SERINC2: variants seen among roughly 807,000 people sequenced by gnomAD.
The protein encoded by SERINC2 is tumor differentially expressed protein 2.
A neutral mutation model predicts 54.2 loss-of-function variants in SERINC2; 56 were observed. That is an observed-to-expected ratio of 1.03 (90% CI 0.83 to 1.29). The LOEUF (loss-of-function observed/expected upper bound fraction) is 1.29, where lower values mean the gene tolerates loss of function less well. SERINC2 is among the 50% of genes most tolerant of loss of function. SERINC2 has a pLI of 0.00. For synonymous variants in SERINC2, 272 were observed against 253.1 expected (o/e 1.07, Z -0.71); for missense variants, 614 against 607.4 (o/e 1.01, Z -0.12).
intron 8 of SERINC2, among the ~76,000 whole-genome samples, chr1:31,432,131 GGGTGGACAGGGTGGAC>G (rs1641294881): frequency 1.5e-5 from 2 of 131,168 alleles, no homozygotes; most frequent in Non-Finnish European, 1.6e-5. Context: ...AGGGTGGATA[GGGTGGACAGGGTGGAC>G]AGGGTGGACA....
At position 31,426,673 on chromosome 1, in the gene SERINC2, C is replaced by T. The variant is rs1641050443; in HGVS notation, c.630C>T (p.Leu210=). The T allele has an allele frequency of 1.2e-6, 2 of 1,612,228 alleles. No homozygotes were observed. Among genetic ancestry groups the T allele is most frequent in the Non-Finnish European group, 1.7e-6 (2 of 1,178,602 alleles). Residue 210 remains leucine, a synonymous_variant, in exon 6 of 10, where the codon CTC becomes CTT. Coordinates refer to ENST00000373709, the MANE Select transcript of SERINC2 (RefSeq NM_178865.5). Reference sequence around the variant, plus strand: ...GCCCAGGCCTCTTCTTCTTCACTCTCCTCTTCTACTTGCTGTCGATCGCGG... The same window carrying T: ...GCCCAGGCCTCTTCTTCTTCACTCTTCTCTTCTACTTGCTGTCGATCGCGG... ...AWYAGLFFFT[L]LFYLLSIAAV...
chr1:31,424,453 G>T (rs1270781420), intron 2 of SERINC2, among the ~76,000 whole-genome samples: 1 of 152,186 alleles, frequency 6.6e-6, no homozygotes, highest in Non-Finnish European at 1.5e-5. Context: ...ACAATAACAA[G>T]ATGTAACTGG....
chr1:31,413,052 C>T (rs1553131663), upstream of SERINC2: 3 of 738,772 alleles, frequency 4.1e-6, no homozygotes, highest in African/African-American at 5.7e-5. This position sits in a 1 kb window ranked among gnomAD's most constrained non-coding sequence, Gnocchi z 5.0. Flanking sequence ...GCGGGAATCC[C>T]CGACCGGCCC....
intron 9 of SERINC2, 66 bp from the exon 10 acceptor site, chr1:31,433,998 G>C: frequency 6.4e-7 from 1 of 1,559,874 alleles, no homozygotes. Context: ...GGGACATAAG[G>C]CCAGGGGCCA....
At chr1:31,431,875 GAC>G (rs2148528491) in intron 8 of SERINC2, among the ~76,000 whole-genome samples, 1 of 147,966 alleles carries the variant, frequency 6.8e-6, no homozygotes, top group Admixed American at 6.7e-5. Context: ...GGATAGGGTG[GAC>G]AGGGTGGACA....
chr1:31,413,106 G>C (rs1640682992), upstream of SERINC2: 1 of 999,114 alleles, frequency 1.0e-6, no homozygotes, highest in South Asian at 4.6e-5. This position sits in a 1 kb window ranked among gnomAD's most constrained non-coding sequence, Gnocchi z 5.0. Flanking sequence ...AGGTGAGTCT[G>C]GGGAGGCCCC....
chr1:31,422,159 C>T (rs1640916775), intron 1 of SERINC2, among the ~76,000 whole-genome samples: 1 of 151,604 alleles, frequency 6.6e-6, no homozygotes, highest in Admixed American at 6.6e-5. Context: ...ATTAACCAGG[C>T]ATGGTGGCGT....
chr1:31,426,603 G>A, intron 5 of SERINC2, 51 bp from the exon 6 acceptor site: 1 of 1,504,124 alleles, frequency 6.6e-7, no homozygotes, highest in East Asian at 2.3e-5. Flanking sequence ...AGGGATCCCT[G>A]TTCCTCCTGC....
rs184231341 is a variant in SERINC2, at chr1:31,421,092, C to T, written c.40-2601C>T. On this transcript the variant is annotated intron_variant, in intron 1 of 9. Transcript: ENST00000373709. ...TGAACAGCAGGTGAACAAGCATTAC[C>T]GCCTGAGCTCCGCCTCCTGTCAGAT... Among the ~76,000 whole-genome samples, 311 of 152,286 alleles carry T rather than the reference C, an allele frequency of 2.0e-3. 1 individual carries two copies. The highest frequency in any genetic ancestry group is 1.9e-3 in the Non-Finnish European group (127 of 68,030).
In SERINC2 at chr1:31,434,151, G is replaced by C; in HGVS notation, c.1320G>C (p.Leu440=). The C allele has an allele frequency of 6.2e-7, 1 of 1,613,888 alleles. No homozygotes were observed. Among genetic ancestry groups the C allele is most frequent in the Non-Finnish European group, 8.5e-7 (1 of 1,179,954 alleles). Residue 440 remains leucine, a synonymous_variant, in exon 10 of 10, where the codon CTG becomes CTC. Transcript: ENST00000373709. ...GCTGGGCAGGGCTGCTCCTCTACCT[G>C]TGGACCCTGGTAGCCCCACTCCTCC... ...CASWAGLLLY[L]WTLVAPLLLR... is the part of the protein sequence containing the mutation.
At position 31,432,890 on chromosome 1, in the gene SERINC2, C is replaced by T. The variant is rs1212059574; in HGVS notation, c.1014-77C>T. On this transcript the variant is annotated intron_variant, in intron 8 of 9. Transcript: ENST00000373709. The stretch of plus-strand genomic sequence containing the variant: ...GTAACCGGGTCGCTGGCCTCTGAGG[C>T]TCTGGGACCATTTGTGTCCAGTGTT... 2.2e-5 allele frequency: 27 copies of T among 1,215,918 alleles called. No individual in the cohort carries two copies. The East Asian group carries it at 6.6e-4, about 30-fold the overall frequency. 75.3% of individuals were successfully genotyped at this position (1,215,918 alleles called of 1,614,324 possible).
At chr1:31,419,465 C>T (rs1640856282) in intron 1 of SERINC2, among the ~76,000 whole-genome samples, 1 of 152,080 alleles carries the variant, frequency 6.6e-6, no homozygotes. Flanking sequence ...TACATATTTG[C>T]CCCATTCAGC....
At chr1:31,428,671 G>A (rs1049895971) in intron 6 of SERINC2, among the ~76,000 whole-genome samples, 2 of 152,178 alleles carry the variant, frequency 1.3e-5, no homozygotes, top group African/African-American at 4.8e-5. Flanking sequence ...CTCTCCAGAC[G>A]GAGAGCAGGG....
upstream of SERINC2, chr1:31,410,032 C>A: frequency 2.1e-6 from 2 of 933,862 alleles, no homozygotes; most frequent in Non-Finnish European, 3.2e-6. Flanking sequence ...TCTGTCTGGG[C>A]TGGGTGATGG....
At chr1:31,409,934 T>C, upstream of SERINC2, 2 of 1,283,258 alleles carry the variant, frequency 1.6e-6, no homozygotes, top group East Asian at 5.1e-5. Context: ...ATTTGAAAAC[T>C]CAGGCCCAGT....
intron 1 of SERINC2, among the ~76,000 whole-genome samples, chr1:31,420,830 C>T (rs1415989379): frequency 1.3e-5 from 2 of 152,180 alleles, no homozygotes; most frequent in Non-Finnish European, 2.9e-5. Context: ...AGTAACCCTT[C>T]GTAAATGGTA....
At chr1:31,420,728 T>C (rs1213260602) in intron 1 of SERINC2, among the ~76,000 whole-genome samples, 1 of 152,222 alleles carries the variant, frequency 6.6e-6, no homozygotes, top group Non-Finnish European at 1.5e-5. Flanking sequence ...TCTGTCTCAG[T>C]TTTCCCATTT....
intron 1 of SERINC2, among the ~76,000 whole-genome samples, chr1:31,421,872 CCTT>C: frequency 6.6e-6 from 1 of 152,350 alleles, no homozygotes; most frequent in East Asian, 1.9e-4. Context: ...GCCACGAGGG[CCTT>C]CTTAAATTCC....
In SERINC2 at chr1:31,433,029, T is replaced by C. The variant is rs782142107; in HGVS notation, c.1076T>C (p.Met359Thr). 1.3e-6 allele frequency: 2 copies of C among 1,571,124 alleles called. No individual in the cohort carries two copies. Among genetic ancestry groups the C allele is most frequent in the Non-Finnish European group, 1.7e-6 (2 of 1,164,166 alleles). Residue 359 changes from methionine (M) to threonine (T), a missense_variant, in exon 9 of 10, where the codon ATG becomes ACG. Coordinates refer to ENST00000373709, the MANE Select transcript of SERINC2 (RefSeq NM_178865.5). ...ATGCAGACCGAGGAGTGCCCACCTA[T>C]GCTAGACGCCACACAGCAGCAGCAG... is the stretch of plus-strand genomic sequence containing the variant. ...SLMQTEECPP[M>T]LDATQQQQQV...
Sources: gnomAD v4.1 joint callset for allele counts (sites outside exome capture counted in the v4.1 genomes callset) on GRCh38, gnomAD v4.1.1 for gene constraint, Gnocchi (gnomAD v3.1) non-coding constraint, MANE v1.5 for transcripts, NCBI Gene and HGNC (gene_info 2026-07-23, HGNC 2026-07-21) for gene names.